The following TNS1 variants were observed in gnomAD, a reference collection of about 807,000 sequenced individuals.
TNS1 encodes the protein tensin-1.
TNS1 carries 62 observed loss-of-function variants against 168.6 expected under a neutral mutation model. The ratio of observed to expected loss-of-function variants is 0.37; its 90% CI spans 0.30 to 0.45. TNS1 has a LOEUF of 0.45. Ranked by LOEUF, TNS1 falls within the 20% of genes least tolerant of loss-of-function variation. The probability of loss-of-function intolerance (pLI) is 1.00; values close to 1 mark genes in which losing one functional copy is unlikely to be tolerated. For missense variants in TNS1, 2,240 were observed against 2,339.4 expected (o/e 0.96, Z 0.88); for synonymous variants, 934 against 933.2 (o/e 1.00, Z -0.02).
chr2:217,935,298 G>T (rs1956547403), intron 3 of TNS1, among the ~76,000 whole-genome samples: 1 of 152,252 alleles, frequency 6.6e-6, no homozygotes, highest in South Asian at 2.1e-4. Flanking sequence ...GAGGCAGGGA[G>T]ATGGACTGCA....
rs182591028 is a variant in TNS1 at position 217,891,147 on chromosome 2, A to G, written c.783-102T>C. 3.6e-6 allele frequency: 4 copies of G among 1,097,626 alleles called. No homozygotes were observed. The East Asian group carries it at 7.3e-5, about 20-fold the overall frequency. 68.0% of individuals were successfully genotyped at this position (1,097,626 alleles called of 1,614,324 possible). On this transcript the variant is annotated intron_variant, in intron 11 of 32. Transcript: ENST00000682258. ...TCAGACCTGCAGAGCACTCTGGCCA[A>G]AGAGCACCTTTGTCCTGGAGGGAAG...
intron 3 of TNS1, among the ~76,000 whole-genome samples, chr2:217,942,280 C>T (rs1257974689): frequency 2.0e-5 from 3 of 152,154 alleles, no homozygotes; most frequent in African/African-American, 7.2e-5. Flanking sequence ...GGTGCTCGGC[C>T]GGACTGGCCG....
intron 3 of TNS1, among the ~76,000 whole-genome samples, chr2:217,942,849 G>T (rs1480648983): frequency 6.6e-6 from 1 of 151,266 alleles, no homozygotes; most frequent in African/African-American, 2.4e-5. Flanking sequence ...CCCCTCCCCT[G>T]CAGGGAGCCC....
At chr2:217,887,399 C>G (rs1199144600) in intron 12 of TNS1, among the ~76,000 whole-genome samples, 1 of 152,186 alleles carries the variant, frequency 6.6e-6, no homozygotes, top group East Asian at 1.9e-4. Context: ...ACCTCTGCCT[C>G]CCGGGTTCAA....
intron 21 of TNS1, among the ~76,000 whole-genome samples, chr2:217,832,234 C>T (rs1944541630): frequency 6.6e-6 from 1 of 152,200 alleles, no homozygotes; most frequent in African/African-American, 2.4e-5. Flanking sequence ...TAGTCTGTGG[C>T]CAAGAGCACC....
At chr2:217,874,275 T>G (rs1314330984) in intron 18 of TNS1, among the ~76,000 whole-genome samples, 1 of 152,202 alleles carries the variant, frequency 6.6e-6, no homozygotes, top group Non-Finnish European at 1.5e-5. Flanking sequence ...CAAATTCTGC[T>G]TGTTCAGCCC....
At chr2:217,812,044 C>T (rs1941010802) in intron 28 of TNS1, among the ~76,000 whole-genome samples, 2 of 152,194 alleles carry the variant, frequency 1.3e-5, no homozygotes. Context: ...TCCTCCAGGA[C>T]ATGTCTCCTG....
chr2:217,978,879 C>A (rs1957961458), intron 2 of TNS1, 77 bp from the exon 3 acceptor site: 1 of 698,618 alleles, frequency 1.4e-6, no homozygotes. Flanking sequence ...TCTCCTCCCA[C>A]CCCAGCCCGC....
At position 217,808,686 on chromosome 2, in the gene TNS1, T is replaced by A. The variant is rs373085232; in HGVS notation, c.5274-15A>T. On this transcript the variant is annotated splice_polypyrimidine_tract_variant and intron_variant, in intron 30 of 32. Transcript: ENST00000682258. ...TGAAAAAGAGCCTGCAGCACAGACATCAGATAAACAGAGAATGAGTGCTGA... is the reference window on the plus strand; with the variant it reads ...TGAAAAAGAGCCTGCAGCACAGACAACAGATAAACAGAGAATGAGTGCTGA... The A allele has an allele frequency of 1.3e-5, 21 of 1,613,430 alleles. No homozygotes were observed. The highest frequency in any genetic ancestry group is 1.7e-5 in the Non-Finnish European group (20 of 1,179,588).
intron 3 of TNS1, among the ~76,000 whole-genome samples, chr2:217,961,949 G>C (rs1332715320): frequency 6.6e-6 from 1 of 152,204 alleles, no homozygotes; most frequent in Non-Finnish European, 1.5e-5. Context: ...AAGGCCATAA[G>C]AGCATAAACT....
chr2:218,016,286 T>C (rs1055512408), intron 1 of TNS1, among the ~76,000 whole-genome samples: 1 of 152,066 alleles, frequency 6.6e-6, no homozygotes, highest in Non-Finnish European at 1.5e-5. Context: ...TCCAAGATGA[T>C]GCAGAGAGGC....
At chr2:218,008,449 G>A (rs1430988281) in intron 1 of TNS1, among the ~76,000 whole-genome samples, 1 of 152,166 alleles carries the variant, frequency 6.6e-6, no homozygotes, top group Admixed American at 6.5e-5. Context: ...GTCCTGGCCG[G>A]CCATTTCCCA....
chr2:218,007,214 C>T (rs1286227062), upstream of TNS1, among the ~76,000 whole-genome samples: 1 of 152,192 alleles, frequency 6.6e-6, no homozygotes, highest in African/African-American at 2.4e-5. Context: ...GCTCCTGGAC[C>T]TCCACCCTCT....
chr2:217,847,863 G>T lies in TNS1; in HGVS notation c.2654C>A (p.Thr885Asn). 1.9e-6 allele frequency: 3 copies of T among 1,580,422 alleles called. No homozygotes were observed. In the South Asian group the frequency reaches 3.4e-5, roughly 18 times the overall value. The change falls in exon 19 of 33, where the codon ACC becomes AAC. Residue 885 changes from threonine to asparagine, a missense_variant. Coordinates refer to ENST00000682258, the MANE Select transcript of TNS1 (RefSeq NM_001387777.1). ...GGGGATATAGCCAGATCTGGACTGG[G>T]TCAGTGGATGGGACTGACGGGAGGA... ...SGSSRQSHPLTQSRSGYIPSG... is the reference protein window; with the variant it reads ...SGSSRQSHPLNQSRSGYIPSG...
chr2:217,845,413 A>C (rs1252753022), intron 19 of TNS1, among the ~76,000 whole-genome samples: 2 of 152,236 alleles, frequency 1.3e-5, no homozygotes, highest in East Asian at 3.8e-4. Flanking sequence ...TTATCTACAC[A>C]GGCACTGCAG....
intron 4 of TNS1, among the ~76,000 whole-genome samples, chr2:217,911,724 G>T (rs1057406019): frequency 6.6e-6 from 1 of 152,180 alleles, no homozygotes; most frequent in Non-Finnish European, 1.5e-5. Flanking sequence ...CAGTCGGTAG[G>T]AGAGCTGCTG....
At chr2:217,818,930 A>C (rs146788883) in intron 23 of TNS1, among the ~76,000 whole-genome samples, 171 bp from the exon 24 acceptor site, 1 of 152,234 alleles carries the variant, frequency 6.6e-6, no homozygotes, top group Non-Finnish European at 1.5e-5. Context: ...CATCAGAAGA[A>C]GAAACTGAGG....
intron 1 of TNS1, among the ~76,000 whole-genome samples, chr2:217,993,344 A>G (rs59010471): frequency 0.37 from 55,601 of 152,086 alleles, 10,661 homozygotes; most frequent in East Asian, 0.48. Context: ...ATTACAAAGA[A>G]GAAGAAAGTA....
intron 3 of TNS1, among the ~76,000 whole-genome samples, chr2:217,947,566 G>A (rs1327384918): frequency 6.6e-6 from 1 of 152,162 alleles, no homozygotes; most frequent in Non-Finnish European, 1.5e-5. Context: ...CAACAGAGAG[G>A]CCATTGAGGA....
Sources: gnomAD v4.1 joint callset for allele counts (sites outside exome capture counted in the v4.1 genomes callset) on GRCh38, gnomAD v4.1.1 for gene constraint, MANE v1.5 for transcripts, NCBI Gene and HGNC (gene_info 2026-07-23, HGNC 2026-07-21) for gene names.